ASTN1: variants seen among roughly 807,000 people sequenced by gnomAD.
The protein encoded by ASTN1 is astrotactin 1.
ASTN1 carries 41 observed loss-of-function variants against 140.7 expected under a neutral mutation model. That is an observed-to-expected ratio of 0.29 (90% CI 0.23 to 0.38). ASTN1 has a LOEUF of 0.38. Ranked by LOEUF, ASTN1 falls within the 10% of genes least tolerant of loss-of-function variation. ASTN1 has a pLI of 1.00. For missense variants in ASTN1, 1,479 were observed against 1,678.8 expected (o/e 0.88, Z 2.08); for synonymous variants, 640 against 652.2 (o/e 0.98, Z 0.29).
intron 16 of ASTN1, among the ~76,000 whole-genome samples, chr1:176,896,858 G>C (rs1669527225): frequency 6.6e-6 from 1 of 152,138 alleles, no homozygotes. Context: ...TGAGTGTTCT[G>C]TGTGTGTCCA....
Position 176,894,819 on chromosome 1 carries a change from A to G in ASTN1, c.2683T>C (p.Ser895Pro). The G allele has an allele frequency of 6.2e-7, 1 of 1,613,802 alleles. No individual in the cohort carries two copies. The highest frequency in any genetic ancestry group is 2.2e-5 in the East Asian group (1 of 44,886). The change falls in exon 17 of 23, where the codon TCA becomes CCA. Residue 895 changes from serine (S) to proline (P), a missense_variant. Transcript: ENST00000361833. Reference sequence around the variant, plus strand: ...CTTTCCCGCTCCTCAGACTCATCTGATGGGGAGTTGCCTGCAGACACAAAA... The same window carrying G: ...CTTTCCCGCTCCTCAGACTCATCTGGTGGGGAGTTGCCTGCAGACACAAAA... Reference protein sequence around the residue: ...YEDISKGNSPSDESEERERDP... With the variant: ...YEDISKGNSPPDESEERERDP...
chr1:176,926,009 G>C (rs570881273), intron 16 of ASTN1, among the ~76,000 whole-genome samples: 1 of 151,838 alleles, frequency 6.6e-6, no homozygotes, highest in South Asian at 2.1e-4. Context: ...GGGTTTCACC[G>C]TGTTAGCCAG....
At chr1:176,876,678 G>A (rs1668578784) in intron 20 of ASTN1, 41 bp from the exon 21 acceptor site, 2 of 1,592,686 alleles carry the variant, frequency 1.3e-6, no homozygotes, top group Non-Finnish European at 1.7e-6. Context: ...GAAACAGTGT[G>A]GCTGGAGGCT....
chr1:177,084,392 C>T (rs1012471809), intron 1 of ASTN1, among the ~76,000 whole-genome samples: 32 of 152,300 alleles, frequency 2.1e-4, no homozygotes, highest in South Asian at 1.7e-3. Context: ...GAGGTGCCAA[C>T]GAGTGTGTCC....
At position 177,061,174 on chromosome 1, in the gene ASTN1, T is replaced by C; in HGVS notation, c.375A>G (p.Gln125=). 1 of 1,611,684 alleles carries C rather than the reference T, an allele frequency of 6.2e-7. No homozygotes were observed. The highest frequency in any genetic ancestry group is 8.5e-7 in the Non-Finnish European group (1 of 1,178,958). The stretch of plus-strand genomic sequence containing the variant: ...GTCCAGGAAGGCTTGGGGCACCATC[T>C]TGGTGATGAATGTGAAAAAGCAAAG... The part of the protein sequence containing the change: ...NGTLLFHIHH[Q]DGAPSLPGQD... The change falls in exon 2 of 23, where the codon CAA becomes CAG. Residue 125 remains glutamine, a synonymous_variant. Coordinates refer to ENST00000361833, the MANE Select transcript of ASTN1 (RefSeq NM_004319.3).
At chr1:176,885,627 G>A (rs529335538) in intron 18 of ASTN1, among the ~76,000 whole-genome samples, 1 of 151,940 alleles carries the variant, frequency 6.6e-6, no homozygotes, top group African/African-American at 2.4e-5. Flanking sequence ...GGTGCCTGTC[G>A]GTCGTCTCAA....
chr1:176,967,834 A>C (rs1672946825), intron 8 of ASTN1, among the ~76,000 whole-genome samples: 1 of 152,132 alleles, frequency 6.6e-6, no homozygotes, highest in Non-Finnish European at 1.5e-5. Flanking sequence ...TCAAATTGGA[A>C]GGATGTAGAG....
intron 2 of ASTN1, among the ~76,000 whole-genome samples, chr1:177,044,935 G>A (rs1366836625): frequency 1.3e-5 from 2 of 152,082 alleles, no homozygotes; most frequent in African/African-American, 4.8e-5. Flanking sequence ...GGGAGAGAGG[G>A]ACAGAAAGAG....
chr1:176,962,434 T>C (rs1181928504), intron 9 of ASTN1, among the ~76,000 whole-genome samples: 1 of 152,232 alleles, frequency 6.6e-6, no homozygotes, highest in Non-Finnish European at 1.5e-5. Context: ...TACATATATC[T>C]ATTGAAGGCC....
intron 16 of ASTN1, among the ~76,000 whole-genome samples, chr1:176,917,577 A>T (rs902954136): frequency 2.0e-5 from 3 of 152,106 alleles, no homozygotes; most frequent in African/African-American, 7.2e-5. Context: ...AAACAAATGC[A>T]TTGCTTTGGG....
At chr1:177,099,812 A>G (rs1680214388) in intron 1 of ASTN1, among the ~76,000 whole-genome samples, 2 of 152,212 alleles carry the variant, frequency 1.3e-5, no homozygotes, top group South Asian at 4.1e-4. Flanking sequence ...AAAAAGCTCA[A>G]TGACATCAGA....
intron 1 of ASTN1, among the ~76,000 whole-genome samples, chr1:177,126,151 T>A (rs1420695956): frequency 6.6e-6 from 1 of 152,216 alleles, no homozygotes; most frequent in African/African-American, 2.4e-5. Context: ...AGTGCTTTTA[T>A]TTTATCATCA....
chr1:176,945,449 A>G (rs1290372970), intron 13 of ASTN1, among the ~76,000 whole-genome samples: 1 of 152,252 alleles, frequency 6.6e-6, no homozygotes, highest in Non-Finnish European at 1.5e-5. Context: ...CTGGATTCTC[A>G]TATCTGAATT....
chr1:177,122,726 C>T (rs1468552101), intron 1 of ASTN1, among the ~76,000 whole-genome samples: 1 of 152,188 alleles, frequency 6.6e-6, no homozygotes, highest in Admixed American at 6.5e-5. Context: ...CATTACCTAA[C>T]TCATCAGACA....
At chr1:177,093,010 C>G (rs925310842) in intron 1 of ASTN1, among the ~76,000 whole-genome samples, 1 of 152,190 alleles carries the variant, frequency 6.6e-6, no homozygotes, top group Admixed American at 6.5e-5. Flanking sequence ...CAAGACGGAA[C>G]TGAACAGAGA....
At chr1:177,143,082 G>A (rs541535391) in intron 1 of ASTN1, among the ~76,000 whole-genome samples, 15 of 152,244 alleles carry the variant, frequency 9.9e-5, no homozygotes, top group African/African-American at 2.4e-4. Flanking sequence ...CCCCTAAAGA[G>A]CTACCTTGCT....
chr1:176,857,602 T>C, downstream of ASTN1: 1 of 611,310 alleles, frequency 1.6e-6, no homozygotes, highest in Non-Finnish European at 3.0e-6. Context: ...TCTTCTTCCT[T>C]TCCTCCAATC....
At chr1:177,141,366 T>C (rs1682463062) in intron 1 of ASTN1, among the ~76,000 whole-genome samples, 1 of 152,172 alleles carries the variant, frequency 6.6e-6, no homozygotes. Flanking sequence ...CCAGGATTCA[T>C]GCTTCCATAT....
intron 16 of ASTN1, among the ~76,000 whole-genome samples, chr1:176,904,974 G>C (rs1256120398): frequency 6.6e-6 from 1 of 152,100 alleles, no homozygotes; most frequent in Non-Finnish European, 1.5e-5. Context: ...CCTTGAGTTT[G>C]GGCAGAACCA....
Sources: allele counts gnomAD v4.1 joint callset (sites outside exome capture counted in the v4.1 genomes callset), GRCh38; gene constraint gnomAD v4.1.1; transcripts MANE v1.5; gene names NCBI Gene and HGNC (gene_info 2026-07-23, HGNC 2026-07-21).